Variants in IMPACT observed in about 807,000 individuals in gnomAD.
IMPACT encodes protein IMPACT.
Under a neutral mutation model 47.5 loss-of-function variants are expected in IMPACT, and 35 were observed. The observed-to-expected ratio is 0.74, with a 90% CI of 0.56 to 0.98. IMPACT has a LOEUF of 0.98. Ranked by LOEUF, IMPACT falls within the 50% of genes least tolerant of loss-of-function variation. IMPACT has a pLI of 0.00. For synonymous variants in IMPACT, 118 were observed against 125.6 expected (o/e 0.94, Z 0.40); for missense variants, 373 against 394.8 (o/e 0.94, Z 0.47).
At chr18:24,427,650 T>C in intron 1 of IMPACT, 1 of 386,712 alleles carries the variant, frequency 2.6e-6, no homozygotes, top group Admixed American at 4.9e-5. Flanking sequence ...AGTATGGGAG[T>C]GCATATATAT....
At position 24,426,762 on chromosome 18, in the gene IMPACT, T is replaced by C. The variant is rs1908618575; in HGVS notation, c.6T>C (p.Ala2=). The C allele has an allele frequency of 2.4e-6, 3 of 1,242,860 alleles. No homozygotes were observed. The highest frequency in any genetic ancestry group is 4.0e-5 in the South Asian group (1 of 25,306). 77.0% of individuals were successfully genotyped at this position (1,242,860 alleles called of 1,614,324 possible). The part of the protein sequence containing the change: M[A]EGDAGSDQRQ... ...AGGGCAGGTCCAGGGGCCACATGGC[T>C]GAGGGGGACGCAGGGAGCGACCAGA... The change falls in exon 1 of 11, where the codon GCT becomes GCC. Residue 2 remains alanine, a synonymous_variant. Transcript: ENST00000284202.
chr18:24,430,019 T>C (rs1908711693), intron 3 of IMPACT, among the ~76,000 whole-genome samples: 1 of 152,088 alleles, frequency 6.6e-6, no homozygotes, highest in South Asian at 2.1e-4. Flanking sequence ...CCTCGTGATC[T>C]GCCCGCCTCG....
intron 4 of IMPACT, among the ~76,000 whole-genome samples, chr18:24,436,087 A>C (rs1908931808): frequency 1.3e-5 from 2 of 152,174 alleles, no homozygotes; most frequent in African/African-American, 4.8e-5. Flanking sequence ...GCCCATATAA[A>C]GTTTAGTCGA....
At chr18:24,430,257 A>C in intron 3 of IMPACT, 65 bp from the exon 4 acceptor site, 1 of 1,092,594 alleles carries the variant, frequency 9.2e-7, no homozygotes, top group Non-Finnish European at 1.3e-6. Flanking sequence ...TTGTGATGTA[A>C]TCTGTAATTT....
rs1440235162 is a variant in IMPACT, at chr18:24,445,380, T to C, written c.595-13T>C. ...TAAAAAGCATACTTATTTATATTAT[T>C]GCTGTTTTTAAGGTGAAAATGGTTC... On this transcript the variant is annotated splice_polypyrimidine_tract_variant and intron_variant, in intron 7 of 10. Transcript: ENST00000284202. 6.8e-7 allele frequency: 1 copy of C among 1,464,306 alleles called. No individual in the cohort carries two copies. The highest frequency in any genetic ancestry group is 1.4e-5 in the African/African-American group (1 of 71,058). The allele number at this position is 1,464,306 out of a possible 1,614,324, so 90.7% of individuals were successfully genotyped here.
chr18:24,439,914 A>G (rs1909058293), intron 5 of IMPACT, among the ~76,000 whole-genome samples: 1 of 152,148 alleles, frequency 6.6e-6, no homozygotes, highest in African/African-American at 2.4e-5. Context: ...TGAGGGAGAT[A>G]CTTTGAAGCT....
chr18:24,447,546 A>G (rs1909277396), intron 8 of IMPACT, among the ~76,000 whole-genome samples: 3 of 152,204 alleles, frequency 2.0e-5, no homozygotes, highest in Non-Finnish European at 1.5e-5. Context: ...TTAAATCTTT[A>G]CATTCTTAGA....
At chr18:24,448,795 A>G (rs1247174580) in intron 9 of IMPACT, among the ~76,000 whole-genome samples, 2 of 152,042 alleles carry the variant, frequency 1.3e-5, no homozygotes, top group Admixed American at 1.3e-4. Context: ...CTCACCCCTA[A>G]AAAAATTTTT....
rs1169199059 is a variant in IMPACT, at chr18:24,452,695, T to C, written c.*1848T>C. The C allele has an allele frequency of 6.6e-6, 1 of 152,188 alleles. No homozygotes were observed. The highest frequency in any genetic ancestry group is 1.5e-5 in the Non-Finnish European group (1 of 68,032). 9.4% of individuals were successfully genotyped at this position (152,188 alleles called of 1,614,324 possible). A position where few individuals can be genotyped will look rare whatever the true frequency, so the allele number is the denominator to read the frequency against. ...TGAACTAATGATAGATAGTATTTTT[T>C]TCCTCTATTTAAAATTTTTGTCTTG... On this transcript the variant is annotated 3_prime_UTR_variant, in exon 11 of 11. Transcript: ENST00000284202.
At position 24,450,779 on chromosome 18, in the gene IMPACT, G is replaced by A; in HGVS notation, c.895G>A (p.Glu299Lys). 3 of 1,605,290 alleles carry A rather than the reference G, an allele frequency of 1.9e-6. No homozygotes were observed. The highest frequency in any genetic ancestry group is 8.5e-7 in the Non-Finnish European group (1 of 1,173,098). The change falls in exon 11 of 11, where the codon GAG becomes AAG. Residue 299 changes from glutamate to lysine, a missense_variant and splice_region_variant. Transcript: ENST00000284202. The stretch of plus-strand genomic sequence containing the variant: ...CTGCACTGATTTGTGTCTTTTTCAG[G>A]AGGAGTCATCTAAGGCTTTGGGAAA... ...LVEKNYTNSP[E>K]ESSKALGKNK...
In IMPACT at chr18:24,440,590, G is replaced by A. The variant is rs946654385; in HGVS notation, c.462G>A (p.Leu154=). Residue 154 remains leucine, a synonymous_variant, in exon 6 of 11, where the codon TTG becomes TTA. Transcript: ENST00000284202. Reference sequence around the variant, plus strand: ...AGCCGGAAAGTTCGCTTAAAGCATTGGATTTTGATATCAGTGAAACTCGGA... The same window carrying A: ...AGCCGGAAAGTTCGCTTAAAGCATTAGATTTTGATATCAGTGAAACTCGGA... ...ACQPESSLKA[L]DFDISETRTE... is the part of the protein sequence containing the mutation. 1 of 1,613,012 alleles carries A rather than the reference G, an allele frequency of 6.2e-7. No individual in the cohort carries two copies. The highest frequency in any genetic ancestry group is 1.7e-5 in the Admixed American group (1 of 59,794).
chr18:24,449,767 A>G (rs1200583630), intron 9 of IMPACT, 52 bp from the exon 10 acceptor site: 3 of 1,502,904 alleles, frequency 2.0e-6, no homozygotes, highest in Non-Finnish European at 2.8e-6. Flanking sequence ...TTTAAAACTC[A>G]TATTTATACA....
intron 7 of IMPACT, 117 bp downstream of exon 7, chr18:24,443,269 AT>A: frequency 2.0e-6 from 1 of 491,972 alleles, no homozygotes; most frequent in Non-Finnish European, 3.6e-6. Context: ...GATAAAAATT[AT>A]TTGTTCATTT....
chr18:24,439,697 A>C lies in IMPACT; in HGVS notation c.368-799A>C, dbSNP rs796428917. Reference sequence around the variant, plus strand: ...CGTGGTGGTACGCACCTGTAATTGCAGCTACTTGGGAGGCTGAGGCAGGAG... The same window carrying C: ...CGTGGTGGTACGCACCTGTAATTGCCGCTACTTGGGAGGCTGAGGCAGGAG... On this transcript the variant is annotated intron_variant, in intron 5 of 10. Transcript: ENST00000284202. 4.6e-5 allele frequency: 7 copies of C among 151,852 alleles called. 1 individual carries two copies. The highest frequency in any genetic ancestry group is 1.7e-4 in the African/African-American group (7 of 41,342). 9.4% of individuals were successfully genotyped at this position (151,852 alleles called of 1,614,324 possible). A position where few individuals can be genotyped will look rare whatever the true frequency, so the allele number is the denominator to read the frequency against.
chr18:24,449,956 A>G lies in IMPACT; in HGVS notation c.894+3A>G. On this transcript the variant is annotated splice_donor_region_variant and intron_variant, in intron 10 of 10. Coordinates refer to ENST00000284202, the MANE Select transcript of IMPACT (RefSeq NM_018439.4). ...AAAAGAACTACACAAATTCACCTGT[A>G]AGTGGCTCTTCGTACTACATCTAGA... is the stretch of plus-strand genomic sequence containing the variant. 6.2e-7 allele frequency: 1 copy of G among 1,613,806 alleles called. No homozygotes were observed. The highest frequency in any genetic ancestry group is 2.2e-5 in the East Asian group (1 of 44,878).
intron 10 of IMPACT, 132 bp downstream of exon 10, chr18:24,450,085 A>T (rs1233290010): frequency 1.1e-6 from 1 of 889,230 alleles, no homozygotes; most frequent in Non-Finnish European, 1.8e-6. Flanking sequence ...CAGAACCTGG[A>T]GACCTAGACT....
intron 5 of IMPACT, 138 bp from the exon 6 acceptor site, chr18:24,440,358 A>G: frequency 1.3e-6 from 1 of 786,580 alleles, no homozygotes. Flanking sequence ...CTCAGGAATC[A>G]ACCAGTTCTC....
rs954457811 is a variant in IMPACT, at chr18:24,440,766, G to T, written c.490+148G>T. On this transcript the variant is annotated intron_variant, in intron 6 of 10. Coordinates refer to ENST00000284202, the MANE Select transcript of IMPACT (RefSeq NM_018439.4). ...AGATAAGATTAATTTTTTCCTGCCT[G>T]TTGGCAATTTTGGTGTTTGCCAAGT... The T allele has an allele frequency of 2.5e-5, 20 of 793,974 alleles. No individual in the cohort carries two copies. The African/African-American group carries it at 3.1e-4, about 12-fold the overall frequency. 49.2% of individuals were successfully genotyped at this position (793,974 alleles called of 1,614,324 possible).
rs1355016478 is a variant in IMPACT at position 24,427,949 on chromosome 18, T to TTAA, written c.67_68insTAA (p.Tyr23delinsLeuAsn). 1 of 1,598,732 alleles carries TTAA rather than the reference T, an allele frequency of 6.3e-7. No homozygotes were observed. Among genetic ancestry groups the TTAA allele is most frequent in the East Asian group, 2.2e-5 (1 of 44,508 alleles). On this transcript the variant is annotated protein_altering_variant, in exon 2 of 11. Coordinates refer to ENST00000284202, the MANE Select transcript of IMPACT (RefSeq NM_018439.4). ...GGAAATTGAAGCAATGGCAGCCATT[T>TTAA]ATGGCGAGGAGTGGTGTGTCATTGA...
Sources: gnomAD v4.1 joint callset for allele counts (sites outside exome capture counted in the v4.1 genomes callset) on GRCh38, gnomAD v4.1.1 for gene constraint, MANE v1.5 for transcripts, NCBI Gene and HGNC (gene_info 2026-07-23, HGNC 2026-07-21) for gene names.